The following TBC1D9B variants were observed in gnomAD, a reference collection of about 807,000 sequenced individuals.
TBC1D9B encodes the protein TBC1 domain family, member 9B (with GRAM domain).
In TBC1D9B, 87 loss-of-function variants were observed where a neutral mutation model predicts 121.1. That is an observed-to-expected ratio of 0.72 (90% CI 0.60 to 0.86). The LOEUF (loss-of-function observed/expected upper bound fraction) is 0.86. Ranked by LOEUF, TBC1D9B falls within the 40% of genes least tolerant of loss-of-function variation. The probability of loss-of-function intolerance (pLI) is 0.00; values close to 1 mark genes in which losing one functional copy is unlikely to be tolerated. For synonymous variants in TBC1D9B, 668 were observed against 670.1 expected (o/e 1.00, Z 0.05); for missense variants, 1,540 against 1,628.6 (o/e 0.95, Z 0.94).
rs1246465400 is a variant in TBC1D9B at position 179,862,743 on chromosome 5, A to AT, written c.*704dup. The AT allele has an allele frequency of 8.0e-6, 3 of 374,196 alleles. No individual in the cohort carries two copies. Among genetic ancestry groups the AT allele is most frequent in the Middle Eastern group, 3.8e-4 (1 of 2,612 alleles). 23.2% of individuals were successfully genotyped at this position (374,196 alleles called of 1,614,324 possible). On this transcript the variant is annotated 3_prime_UTR_variant, in exon 21 of 21. Transcript: ENST00000355235. Reference sequence around the variant, plus strand: ...CAAGGCATTGCACACAGTGGTTTTTATTTCTTTCAGGGATTTATTAAGGCA... The same window carrying AT: ...CAAGGCATTGCACACAGTGGTTTTTATTTTCTTTCAGGGATTTATTAAGGCA...
Position 179,879,631 on chromosome 5 carries a change from C to A in TBC1D9B, c.1413G>T (p.Lys471Asn). Residue 471 changes from lysine to asparagine, a missense_variant, in exon 8 of 21, where the codon AAG becomes AAT. Transcript: ENST00000355235. ...AGTGCCGGCGCTCAGGGCTCACCCCCTTGGCTCCAAGGTCCTCCATGGGCG... is the reference window on the plus strand; with the variant it reads ...AGTGCCGGCGCTCAGGGCTCACCCCATTGGCTCCAAGGTCCTCCATGGGCG... ...KNSPMEDLGA[K>N]GAKEKMKEES... 6.2e-7 allele frequency: 1 copy of A among 1,613,926 alleles called. No homozygotes were observed. The highest frequency in any genetic ancestry group is 1.1e-5 in the South Asian group (1 of 91,070).
At chr5:179,888,015 T>C (rs917036641) in intron 7 of TBC1D9B, 88 bp downstream of exon 7, 2 of 1,524,432 alleles carry the variant, frequency 1.3e-6, no homozygotes, top group Non-Finnish European at 1.8e-6. Context: ...GCCGGAACCA[T>C]GGGGTCAGGC....
Position 179,862,223 on chromosome 5 carries a change from T to G in TBC1D9B, c.*1225A>C. On this transcript the variant is annotated 3_prime_UTR_variant, in exon 21 of 21. Transcript: ENST00000355235. ...TGTGGTTTTAGACATCCACTGGGGG[T>G]CTGGTTTTAGATATCCACTGTATCC... is the stretch of plus-strand genomic sequence containing the variant. The G allele has an allele frequency of 5.1e-6, 1 of 196,984 alleles. No individual in the cohort carries two copies. Among genetic ancestry groups the G allele is most frequent in the Non-Finnish European group, 1.1e-5 (1 of 90,480 alleles). The allele number at this position is 196,984 out of a possible 1,614,324, so 12.2% of individuals were successfully genotyped here.
chr5:179,887,526 T>A (rs1760723623), intron 7 of TBC1D9B: 1 of 153,186 alleles, frequency 6.5e-6, no homozygotes, highest in South Asian at 2.0e-4. Flanking sequence ...AAACGAGAGC[T>A]AGGTGGAGCA....
At position 179,875,653 on chromosome 5, in the gene TBC1D9B, A is replaced by G. The variant is rs1162662526; in HGVS notation, c.1900+267T>C. On this transcript the variant is annotated intron_variant, in intron 11 of 20. Coordinates refer to ENST00000355235, the MANE Select transcript of TBC1D9B (RefSeq NM_015043.4). The surrounding 1 kb of genome is among the most constrained non-coding windows in gnomAD (Gnocchi z 4.5). The stretch of plus-strand genomic sequence containing the variant: ...AGATTTCACTGGATATGAGTTCAGT[A>G]AAGTTGAGCATCAGGTTACATGGGG... 6.6e-6 allele frequency among the ~76,000 whole-genome samples: 1 copy of G among 152,232 alleles called. No individual in the cohort carries two copies. Among genetic ancestry groups the G allele is most frequent in the Non-Finnish European group, 1.5e-5 (1 of 68,046 alleles).
Position 179,862,903 on chromosome 5 carries a change from C to A in TBC1D9B, c.*545G>T. The A allele has an allele frequency of 6.8e-6, 2 of 293,504 alleles. No individual in the cohort carries two copies. Among genetic ancestry groups the A allele is most frequent in the South Asian group, 6.1e-5 (2 of 32,780 alleles). The allele number at this position is 293,504 out of a possible 1,614,324, so 18.2% of individuals were successfully genotyped here. On this transcript the variant is annotated 3_prime_UTR_variant, in exon 21 of 21. Transcript: ENST00000355235. ...TGTACAGCCACGCCTGTGCGCAGCGCCCACTCTGTGCAATAAACATGTTCT... is the reference window on the plus strand; with the variant it reads ...TGTACAGCCACGCCTGTGCGCAGCGACCACTCTGTGCAATAAACATGTTCT...
chr5:179,876,108 C>G (rs1659039994), intron 10 of TBC1D9B, 71 bp from the exon 11 acceptor site: 1 of 1,267,762 alleles, frequency 7.9e-7, no homozygotes, highest in Non-Finnish European at 1.1e-6. Flanking sequence ...TCTCCCCACC[C>G]CTCCCAGCCA....
intron 12 of TBC1D9B, among the ~76,000 whole-genome samples, chr5:179,873,473 C>A (rs1004449189): frequency 6.6e-6 from 1 of 152,250 alleles, no homozygotes; most frequent in Non-Finnish European, 1.5e-5. Context: ...TGAGCACTAA[C>A]CCTGAGGACG....
Position 179,864,123 on chromosome 5 carries a change from C to G in TBC1D9B, c.3027G>C (p.Gln1009His). The G allele has an allele frequency of 1.3e-6, 2 of 1,597,650 alleles. No individual in the cohort carries two copies. Among genetic ancestry groups the G allele is most frequent in the Non-Finnish European group, 1.7e-6 (2 of 1,168,846 alleles). ...IKDLPKMNQE[Q>H]FIELCKTLYN... ...AAAGCGTCTTGCACAGCTCAATGAACTGCTCCTTTTAGGGAGAAAAACAGA... is the reference window on the plus strand; with the variant it reads ...AAAGCGTCTTGCACAGCTCAATGAAGTGCTCCTTTTAGGGAGAAAAACAGA... Residue 1009 changes from glutamine to histidine, a missense_variant, in exon 21 of 21, where the codon CAG (glutamine) becomes CAC (histidine). Coordinates refer to ENST00000355235, the MANE Select transcript of TBC1D9B (RefSeq NM_015043.4).
Position 179,863,842 on chromosome 5 carries a change from G to A in TBC1D9B, c.3308C>T (p.Ala1103Val). 6.2e-7 allele frequency: 1 copy of A among 1,613,436 alleles called. No homozygotes were observed. The highest frequency in any genetic ancestry group is 8.5e-7 in the Non-Finnish European group (1 of 1,179,808). The change falls in exon 21 of 21, where the codon GCC (alanine) becomes GTC (valine). Residue 1103 changes from alanine (A) to valine (V), a missense_variant. Physicochemically the swap from Ala to Val is moderately conservative, Grantham distance 64 (BLOSUM62 0). Coordinates refer to ENST00000355235, the MANE Select transcript of TBC1D9B (RefSeq NM_015043.4). The surrounding 1 kb of genome is among the most constrained non-coding windows in gnomAD (Gnocchi z 4.5). ...KAGGDTHLGK[A>V]PQESQVVVEG... The stretch of plus-strand genomic sequence containing the variant: ...CACCACCACCTGGCTCTCCTGTGGG[G>A]CTTTTCCGAGGTGTGTGTCTCCGCC...
chr5:179,863,305 C>G lies in TBC1D9B; in HGVS notation c.*143G>C. ...CTAAGGCAGCTGGGTCTGCACCAGC[C>G]TTCTTTCCACTCACAACTCACTGCT... On this transcript the variant is annotated 3_prime_UTR_variant, in exon 21 of 21. Transcript: ENST00000355235. This position sits in a 1 kb window ranked among gnomAD's most constrained non-coding sequence, Gnocchi z 4.5. 1.0e-6 allele frequency: 1 copy of G among 984,968 alleles called. No individual in the cohort carries two copies. Among genetic ancestry groups the G allele is most frequent in the South Asian group, 1.7e-5 (1 of 58,434 alleles). The allele number at this position is 984,968 out of a possible 1,614,324, so 61.0% of individuals were successfully genotyped here.
At chr5:179,869,674 T>G in intron 17 of TBC1D9B, 95 bp downstream of exon 17, 1 of 1,394,004 alleles carries the variant, frequency 7.2e-7, no homozygotes, top group Non-Finnish European at 1.0e-6. Context: ...CTGTGCCCCC[T>G]CGAGGCCCCA....
At chr5:179,881,945 CG>C (rs997053392) in intron 7 of TBC1D9B, among the ~76,000 whole-genome samples, 7 of 139,262 alleles carry the variant, frequency 5.0e-5, no homozygotes, top group African/African-American at 9.8e-5. Context: ...ATATACCTTC[CG>C]TTTTTTTTTT....
At chr5:179,901,106 C>T (rs916574426) in intron 2 of TBC1D9B, among the ~76,000 whole-genome samples, 4 of 152,190 alleles carry the variant, frequency 2.6e-5, no homozygotes, top group Non-Finnish European at 5.9e-5. Flanking sequence ...GATAGATCCT[C>T]CCGATTGGCC....
chr5:179,879,264 C>G, intron 8 of TBC1D9B, 67 bp from the exon 9 acceptor site: 1 of 1,545,632 alleles, frequency 6.5e-7, no homozygotes, highest in Non-Finnish European at 8.7e-7. Context: ...CCTAGGCCAC[C>G]GCGGAAGCCT....
Position 179,899,243 on chromosome 5 carries a change from C to G in TBC1D9B, c.294G>C (p.Leu98=). 1 of 1,613,890 alleles carries G rather than the reference C, an allele frequency of 6.2e-7. No homozygotes were observed. Among genetic ancestry groups the G allele is most frequent in the Non-Finnish European group, 8.5e-7 (1 of 1,180,004 alleles). ...EWLENNLLQT[L]SIFDSEEDIT... is the part of the protein sequence containing the mutation. ...TATCTTCCTCACTGTCGAAGATGGA[C>G]AGTGTCTGGAGCAAGTTATTTTCCA... The change falls in exon 3 of 21, where the codon CTG becomes CTC. Residue 98 remains leucine, a synonymous_variant. Coordinates refer to ENST00000355235, the MANE Select transcript of TBC1D9B (RefSeq NM_015043.4).
chr5:179,903,089 C>T (rs755100281), intron 2 of TBC1D9B, among the ~76,000 whole-genome samples: 18 of 152,172 alleles, frequency 1.2e-4, no homozygotes, highest in African/African-American at 4.1e-4. Context: ...TGAGTCTCAT[C>T]ATCTTCTCCC....
chr5:179,866,195 G>A (rs1049724439), intron 18 of TBC1D9B: 5 of 336,094 alleles, frequency 1.5e-5, no homozygotes, highest in Admixed American at 8.8e-5. Flanking sequence ...AATGATGAGG[G>A]CTATAGACCA....
chr5:179,898,386 C>G (rs984648492), intron 3 of TBC1D9B, among the ~76,000 whole-genome samples: 1 of 151,980 alleles, frequency 6.6e-6, no homozygotes, highest in Non-Finnish European at 1.5e-5. Context: ...ATCTCCTAAC[C>G]TCGTGATCTG....
Sources: gnomAD v4.1 joint callset for allele counts (sites outside exome capture counted in the v4.1 genomes callset) on GRCh38, gnomAD v4.1.1 for gene constraint, Gnocchi (gnomAD v3.1) non-coding constraint, MANE v1.5 for transcripts, NCBI Gene and HGNC (gene_info 2026-07-23, HGNC 2026-07-21) for gene names.